STIM1: variants seen among roughly 807,000 people sequenced by gnomAD.
The protein encoded by STIM1 is stromal interaction molecule 1.
Under a neutral mutation model 74.7 loss-of-function variants are expected in STIM1, and 25 were observed. The ratio of observed to expected loss-of-function variants is 0.33; its 90% CI spans 0.24 to 0.47. The LOEUF (loss-of-function observed/expected upper bound fraction) is 0.47, where lower values mean the gene tolerates loss of function less well. STIM1 is among the 20% of genes least tolerant of loss of function. The pLI is 1.00. For missense variants in STIM1, 728 were observed against 920.8 expected, an observed-to-expected ratio of 0.79 and a Z score of 2.71; for synonymous variants, 328 against 348.8, an observed-to-expected ratio of 0.94 and a Z score of 0.66.
chr11:3,934,856 T>C (rs1590579797), intron 1 of STIM1, among the ~76,000 whole-genome samples: 1 of 152,318 alleles, frequency 6.6e-6, no homozygotes, highest in Admixed American at 6.5e-5. Context: ...CTCACAGTGC[T>C]CTTCTAAGTC....
chr11:3,964,767 C>T (rs1320760211), intron 1 of STIM1, among the ~76,000 whole-genome samples: 1 of 151,346 alleles, frequency 6.6e-6, no homozygotes, highest in Non-Finnish European at 1.5e-5. Context: ...CTCTGTTGCC[C>T]AGGCTGGAGT....
intron 2 of STIM1, among the ~76,000 whole-genome samples, chr11:4,011,430 A>C (rs896361900): frequency 1.1e-4 from 17 of 152,168 alleles, no homozygotes; most frequent in African/African-American, 4.1e-4. Context: ...GTGAGATAGT[A>C]TCTCATTGTG....
intron 2 of STIM1, among the ~76,000 whole-genome samples, chr11:4,008,650 A>G: frequency 6.6e-6 from 1 of 152,212 alleles, no homozygotes; most frequent in Admixed American, 6.5e-5. Flanking sequence ...GGTGGGCACC[A>G]ACTCTGGATA....
At chr11:4,080,602 G>A (rs1042879496) in intron 7 of STIM1, among the ~76,000 whole-genome samples, 1 of 151,878 alleles carries the variant, frequency 6.6e-6, no homozygotes, top group Non-Finnish European at 1.5e-5. Flanking sequence ...GAGTAGCTGG[G>A]ACCACAGGTG....
chr11:3,972,102 C>A (rs2093401590), intron 2 of STIM1, among the ~76,000 whole-genome samples: 1 of 152,138 alleles, frequency 6.6e-6, no homozygotes, highest in South Asian at 2.1e-4. Context: ...TGATGAAGGA[C>A]CTGAGATTTT....
At chr11:4,008,093 G>A (rs2135944875) in intron 2 of STIM1, among the ~76,000 whole-genome samples, 1 of 152,100 alleles carries the variant, frequency 6.6e-6, no homozygotes, top group East Asian at 1.9e-4. Flanking sequence ...TCAACAGTGG[G>A]CCACATATGC....
intron 3 of STIM1, among the ~76,000 whole-genome samples, chr11:4,048,740 A>G (rs2094213473): frequency 6.6e-6 from 1 of 151,628 alleles, no homozygotes; most frequent in Non-Finnish European, 1.5e-5. Flanking sequence ...TATTATTATT[A>G]ATTTTTTTTT....
chr11:3,981,671 T>A (rs1412370021), intron 2 of STIM1, among the ~76,000 whole-genome samples: 2 of 152,202 alleles, frequency 1.3e-5, no homozygotes, highest in Non-Finnish European at 2.9e-5. Context: ...TGCTATAGTC[T>A]GGGCTCTAGA....
intron 1 of STIM1, among the ~76,000 whole-genome samples, chr11:3,912,334 T>C (rs10430939): frequency 0.1 from 14,579 of 144,490 alleles, 968 homozygotes; most frequent in East Asian, 0.2. Flanking sequence ...CACTGAACAA[T>C]AACTGCAAAC....
intron 2 of STIM1, among the ~76,000 whole-genome samples, chr11:3,991,176 T>C (rs1054260692): frequency 4.7e-5 from 7 of 150,208 alleles, no homozygotes; most frequent in East Asian, 1.9e-4. Flanking sequence ...TTTCTTTTTT[T>C]TTTTTTTTTT....
rs1359091282 is a variant in STIM1, at chr11:4,047,275, T to C, written c.386-8251T>C. ...CTGGAGGACTGCCAGAGGCCAGGAG[T>C]TCTAGACCAGCCTGGGCAGCATTGG... On this transcript the variant is annotated intron_variant, in intron 3 of 12. Coordinates refer to ENST00000526596, the MANE Select transcript of STIM1 (RefSeq NM_001382567.1). Among the ~76,000 whole-genome samples, 3 of 151,684 alleles carry C rather than the reference T, an allele frequency of 2.0e-5. No individual in the cohort carries two copies. The East Asian group carries it at 5.8e-4, about 29-fold the overall frequency.
intron 4 of STIM1, among the ~76,000 whole-genome samples, chr11:4,056,000 T>C (rs1037989766): frequency 6.6e-6 from 1 of 152,228 alleles, no homozygotes; most frequent in Non-Finnish European, 1.5e-5. Flanking sequence ...GTTAAGTAAC[T>C]TATCCAAGGT....
chr11:3,870,121 G>A (rs569301907), intron 1 of STIM1, among the ~76,000 whole-genome samples: 1 of 152,290 alleles, frequency 6.6e-6, no homozygotes, highest in East Asian at 1.9e-4. Context: ...TTCTTTCTAT[G>A]CTTATTTCAC....
chr11:4,023,710 A>G (rs1400968400), intron 2 of STIM1, among the ~76,000 whole-genome samples, 163 bp from the exon 3 acceptor site: 2 of 152,362 alleles, frequency 1.3e-5, no homozygotes, highest in Non-Finnish European at 1.5e-5. Flanking sequence ...TTAGTTGGCA[A>G]CTAAGACATG....
chr11:4,057,110 T>C (rs946045620), intron 4 of STIM1, among the ~76,000 whole-genome samples: 1 of 152,206 alleles, frequency 6.6e-6, no homozygotes. Flanking sequence ...CTTGAGGAAC[T>C]CCATGTTTAA....
intron 1 of STIM1, among the ~76,000 whole-genome samples, chr11:3,904,196 C>CAAAAAAAAAAAAAAAAAAAAAAAA (rs57908154): frequency 1.6e-4 from 12 of 73,858 alleles, no homozygotes; most frequent in Non-Finnish European, 2.2e-4. Context: ...GACTCTGTCT[C>CAAAAAAAAAAAAAAAAAAAAAAAA]AAAAAAAAAA....
At chr11:3,873,254 A>G (rs1484471312) in intron 1 of STIM1, among the ~76,000 whole-genome samples, 1 of 151,948 alleles carries the variant, frequency 6.6e-6, no homozygotes, top group Non-Finnish European at 1.5e-5. Context: ...CGTCTTTACT[A>G]AAAATACAAA....
intron 3 of STIM1, among the ~76,000 whole-genome samples, chr11:4,028,638 G>A (rs571626903): frequency 6.6e-6 from 1 of 151,834 alleles, no homozygotes; most frequent in South Asian, 2.1e-4. Flanking sequence ...TCGAACTCCT[G>A]ACTATAGGTG....
Position 3,917,908 on chromosome 11 carries a change from A to G in STIM1, c.140-49644A>G, listed in dbSNP as rs188647141. Among the ~76,000 whole-genome samples, 9 of 152,338 alleles carry G rather than the reference A, an allele frequency of 5.9e-5. No individual in the cohort carries two copies. In the East Asian group the frequency reaches 1.5e-3, roughly 26 times the overall value. On this transcript the variant is annotated intron_variant, in intron 1 of 12. Coordinates refer to ENST00000526596, the MANE Select transcript of STIM1 (RefSeq NM_001382567.1). ...AGAAAAGGTTTGAGGCTTACTGACTAGATAGTTGATTTTCAATTTTTTATT... is the reference window on the plus strand; with the variant it reads ...AGAAAAGGTTTGAGGCTTACTGACTGGATAGTTGATTTTCAATTTTTTATT...
Sources: gnomAD v4.1 joint callset for allele counts (sites outside exome capture counted in the v4.1 genomes callset) on GRCh38, gnomAD v4.1.1 for gene constraint, MANE v1.5 for transcripts, NCBI Gene and HGNC (gene_info 2026-07-23, HGNC 2026-07-21) for gene names.